The following PPP2R5E variants were observed in gnomAD, a reference collection of about 807,000 sequenced individuals.
PPP2R5E encodes serine/threonine-protein phosphatase 2A 56 kDa regulatory subunit epsilon isoform.
PPP2R5E carries 4 observed loss-of-function variants against 65.3 expected under a neutral mutation model. That is an observed-to-expected ratio of 0.06 (90% CI 0.03 to 0.14). The LOEUF (loss-of-function observed/expected upper bound fraction) is 0.14, where lower values mean the gene tolerates loss of function less well. Among genes scored for constraint, PPP2R5E ranks in the 10% least tolerant of loss-of-function variants. The pLI, the probability that PPP2R5E is intolerant of heterozygous loss-of-function variation, is 1.00. For synonymous variants in PPP2R5E, 183 were observed against 187.4 expected (o/e 0.98, Z 0.19); for missense variants, 274 against 556.1 (o/e 0.49, Z 5.10).
intron 3 of PPP2R5E, chr14:63,451,897 A>G (rs1449703747): frequency 2.0e-5 from 3 of 152,190 alleles, no homozygotes; most frequent in Non-Finnish European, 4.4e-5. Context: ...AAAAAATTAA[A>G]TTTTTAAAAA....
chr14:63,391,282 T>C (rs1279788246), intron 10 of PPP2R5E, among the ~76,000 whole-genome samples: 1 of 152,200 alleles, frequency 6.6e-6, no homozygotes. Context: ...CTGTACTTAC[T>C]TAGTGTACTG....
chr14:63,502,048 T>C (rs10129891), intron 2 of PPP2R5E, among the ~76,000 whole-genome samples: 54,419 of 151,824 alleles, frequency 0.36, 11,369 homozygotes, highest in African/African-American at 0.59. Context: ...GCACGCACCA[T>C]CACGCCCAGC....
chr14:63,477,613 G>T (rs980651741), intron 2 of PPP2R5E, among the ~76,000 whole-genome samples: 4 of 152,022 alleles, frequency 2.6e-5, no homozygotes, highest in African/African-American at 9.7e-5. Flanking sequence ...TAGATATATT[G>T]CCTATAAAAC....
intron 13 of PPP2R5E, among the ~76,000 whole-genome samples, chr14:63,376,965 T>G (rs1018555947): frequency 6.6e-6 from 1 of 151,936 alleles, no homozygotes; most frequent in Non-Finnish European, 1.5e-5. Flanking sequence ...AGACCCCGTC[T>G]CTACTAAAAA....
intron 3 of PPP2R5E, among the ~76,000 whole-genome samples, chr14:63,434,775 C>G (rs11848219): frequency 6.6e-6 from 1 of 152,046 alleles, no homozygotes; most frequent in African/African-American, 2.4e-5. Context: ...TTTTTTTAAC[C>G]CTTTGGAGTT....
chr14:63,394,206 C>T (rs1007772321), intron 7 of PPP2R5E, among the ~76,000 whole-genome samples: 2 of 151,630 alleles, frequency 1.3e-5, no homozygotes, highest in African/African-American at 4.9e-5. Context: ...CTCAGGCCTC[C>T]CAAGTAGCTG....
At chr14:63,519,836 AT>A (rs1892823323) in intron 2 of PPP2R5E, among the ~76,000 whole-genome samples, 1 of 148,868 alleles carries the variant, frequency 6.7e-6, no homozygotes, top group South Asian at 2.1e-4. Flanking sequence ...TAATTTTTGT[AT>A]TTTTAGTAAA....
chr14:63,442,755 G>C (rs111630017), intron 3 of PPP2R5E, among the ~76,000 whole-genome samples: 5 of 152,218 alleles, frequency 3.3e-5, no homozygotes, highest in African/African-American at 1.2e-4. Flanking sequence ...ATACGTATGG[G>C]ATTCAGTACT....
chr14:63,453,972 TAA>T, intron 2 of PPP2R5E, 87 bp from the exon 3 acceptor site: 1 of 1,007,196 alleles, frequency 9.9e-7, no homozygotes. Context: ...AAAGGCAAGC[TAA>T]AAAAAAATAA....
chr14:63,372,002 T>C lies in PPP2R5E; in HGVS notation c.*4007A>G, dbSNP rs1236513762. ...TCCCCATTGATACATGAGGTTTGGA[T>C]TACAACTTATTTACAATAAGTGATT... On this transcript the variant is annotated 3_prime_UTR_variant, in exon 14 of 14. Transcript: ENST00000337537. 6.6e-6 allele frequency: 1 copy of C among 151,170 alleles called. No homozygotes were observed. Among genetic ancestry groups the C allele is most frequent in the African/African-American group, 2.4e-5 (1 of 41,020 alleles). The allele number at this position is 151,170 out of a possible 1,614,324, so 9.4% of individuals were successfully genotyped here.
At chr14:63,391,738 T>C (rs1266773634) in intron 10 of PPP2R5E, 79 bp downstream of exon 10, 5 of 1,483,954 alleles carry the variant, frequency 3.4e-6, no homozygotes, top group Non-Finnish European at 4.7e-6. Flanking sequence ...GATGCGGTTT[T>C]ATACATGCTT....
chr14:63,391,052 C>T (rs1884989233), intron 10 of PPP2R5E, among the ~76,000 whole-genome samples: 1 of 152,148 alleles, frequency 6.6e-6, no homozygotes, highest in South Asian at 2.1e-4. Flanking sequence ...CCACCTATAC[C>T]ATGCTTTAAA....
chr14:63,453,870 T>A lies in PPP2R5E; in HGVS notation c.173A>T (p.Glu58Val). The A allele has an allele frequency of 6.8e-7, 1 of 1,467,578 alleles. No homozygotes were observed. Among genetic ancestry groups the A allele is most frequent in the Non-Finnish European group, 9.0e-7 (1 of 1,106,246 alleles). 90.9% of individuals were successfully genotyped at this position (1,467,578 alleles called of 1,614,324 possible). The change falls in exon 3 of 14, where the codon GAG (glutamate) becomes GTG (valine). Residue 58 changes from glutamate to valine, a missense_variant. Glu to Val is a moderately radical substitution (Grantham distance 121, BLOSUM62 -2). Coordinates refer to ENST00000337537, the MANE Select transcript of PPP2R5E (RefSeq NM_006246.5). ...TTTCTTTAGGAACAGTTCAGGCTGC[T>A]CTGAGGATGGAACGTCTAAGAAAAA... Reference protein sequence around the residue: ...LPLLKDVPSSEQPELFLKKLQ... With the variant: ...LPLLKDVPSSVQPELFLKKLQ...
chr14:63,428,020 C>T (rs1209068029), intron 3 of PPP2R5E, among the ~76,000 whole-genome samples: 1 of 151,958 alleles, frequency 6.6e-6, no homozygotes, highest in South Asian at 2.1e-4. Context: ...AACATTTTTA[C>T]TACTCTCATT....
At chr14:63,523,918 T>C (rs1292859072) in intron 2 of PPP2R5E, among the ~76,000 whole-genome samples, 1 of 152,184 alleles carries the variant, frequency 6.6e-6, no homozygotes, top group African/African-American at 2.4e-5. Context: ...ATTCCTACAC[T>C]GCTAGTAGAA....
At chr14:63,468,086 T>C (rs986275312) in intron 2 of PPP2R5E, among the ~76,000 whole-genome samples, 2 of 152,208 alleles carry the variant, frequency 1.3e-5, no homozygotes, top group Admixed American at 6.5e-5. Context: ...TCAATAAACT[T>C]TAACTGCTAA....
intron 5 of PPP2R5E, among the ~76,000 whole-genome samples, chr14:63,399,715 T>C (rs1470246145): frequency 6.6e-6 from 1 of 152,146 alleles, no homozygotes; most frequent in Non-Finnish European, 1.5e-5. Flanking sequence ...AACTTGGAAA[T>C]TGGTTTGAAT....
At chr14:63,489,588 T>C (rs1013089646) in intron 2 of PPP2R5E, among the ~76,000 whole-genome samples, 2 of 151,958 alleles carry the variant, frequency 1.3e-5, no homozygotes, top group African/African-American at 2.4e-5. Context: ...TTTTGTATTT[T>C]TTGTAGAGAT....
At position 63,371,731 on chromosome 14, in the gene PPP2R5E, C is replaced by T. The variant is rs905382599; in HGVS notation, c.*4278G>A. ...TTTTACCTCTACTCACAAAGAGATG[C>T]TGTTTAAAAAAACACACACACAGCT... On this transcript the variant is annotated 3_prime_UTR_variant, in exon 14 of 14. Transcript: ENST00000337537. 2 of 152,034 alleles carry T rather than the reference C, an allele frequency of 1.3e-5. No homozygotes were observed. The highest frequency in any genetic ancestry group is 6.6e-5 in the Admixed American group (1 of 15,254). 9.4% of individuals were successfully genotyped at this position (152,034 alleles called of 1,614,324 possible). A position where few individuals can be genotyped will look rare whatever the true frequency, so the allele number is the denominator to read the frequency against.
Sources: allele counts gnomAD v4.1 joint callset (sites outside exome capture counted in the v4.1 genomes callset), GRCh38; gene constraint gnomAD v4.1.1; transcripts MANE v1.5; gene names NCBI Gene and HGNC (gene_info 2026-07-23, HGNC 2026-07-21).